PKP2: variants seen among roughly 807,000 people sequenced by gnomAD.
The protein encoded by PKP2 is plakophilin 2.
A neutral mutation model predicts 83.4 loss-of-function variants in PKP2; 73 were observed. The observed-to-expected ratio is 0.88, with a 90% confidence interval of 0.72 to 1.06. The LOEUF (loss-of-function observed/expected upper bound fraction) is 1.06. PKP2 is among the 50% of genes least tolerant of loss of function. The pLI is 0.00. For missense variants in PKP2, 966 were observed against 1,065.4 expected (o/e 0.91, Z 1.30); for synonymous variants, 409 against 430.4 (o/e 0.95, Z 0.62).
Position 32,828,517 on chromosome 12 carries a change from T to C in PKP2, c.1557-4355A>G, listed in dbSNP as rs185656838. ...GGCAACTTATAAATAGCATGATCTG[T>C]AATTTTCACAAAATTCCTGAAATTA... On this transcript the variant is annotated intron_variant, in intron 6 of 12. Coordinates refer to ENST00000340811, the MANE Select transcript of PKP2 (RefSeq NM_001005242.3). Among the ~76,000 whole-genome samples, 5 of 152,350 alleles carry C rather than the reference T, an allele frequency of 3.3e-5. No homozygotes were observed. The East Asian group carries it at 7.7e-4, about 23-fold the overall frequency.
intron 3 of PKP2, among the ~76,000 whole-genome samples, chr12:32,869,988 C>T (rs1956883012): frequency 1.3e-5 from 2 of 152,140 alleles, no homozygotes; most frequent in South Asian, 4.1e-4. Flanking sequence ...TTGGTCACAC[C>T]ACTGCACTCC....
intron 3 of PKP2, among the ~76,000 whole-genome samples, chr12:32,876,178 C>T (rs1338384232): frequency 6.6e-6 from 1 of 152,068 alleles, no homozygotes; most frequent in Non-Finnish European, 1.5e-5. Flanking sequence ...ATAAGCAGTG[C>T]TTATATTACT....
rs1161646299 is a variant in PKP2 at position 32,792,093 on chromosome 12, G to A, written c.*331C>T. On this transcript the variant is annotated 3_prime_UTR_variant, in exon 13 of 13. Coordinates refer to ENST00000340811, the MANE Select transcript of PKP2 (RefSeq NM_001005242.3). ...TGTAAATCAAACTTTTAAAATCCCA[G>A]TAATGCAACAGCTTCTTTCCTTATT... The A allele has an allele frequency of 8.5e-5, 32 of 375,478 alleles. No homozygotes were observed. The East Asian group carries it at 2.0e-3, about 24-fold the overall frequency. The allele number at this position is 375,478 out of a possible 1,614,324, so 23.3% of individuals were successfully genotyped here.
At chr12:32,807,098 A>C (rs1169294747) in intron 9 of PKP2, among the ~76,000 whole-genome samples, 2 of 152,108 alleles carry the variant, frequency 1.3e-5, no homozygotes, top group African/African-American at 4.8e-5. Flanking sequence ...GTTCTTTTGC[A>C]TTTGCTAAGG....
chr12:32,812,412 T>C (rs959233708), intron 9 of PKP2, among the ~76,000 whole-genome samples: 5 of 152,200 alleles, frequency 3.3e-5, no homozygotes, highest in African/African-American at 1.2e-4. Flanking sequence ...CTTTCATTAT[T>C]TCAGTTTATT....
intron 9 of PKP2, among the ~76,000 whole-genome samples, chr12:32,804,013 A>T (rs992241604): frequency 7.9e-5 from 12 of 151,750 alleles, no homozygotes; most frequent in Admixed American, 6.5e-4. Context: ...CCATTAATAC[A>T]GTTAAAAAAA....
chr12:32,851,065 C>A, intron 4 of PKP2, 92 bp from the exon 5 acceptor site: 1 of 1,003,612 alleles, frequency 1.0e-6, no homozygotes, highest in Non-Finnish European at 1.5e-6. Context: ...TTTACTGATG[C>A]TGACTATAAC....
chr12:32,829,439 CAG>C, intron 6 of PKP2, among the ~76,000 whole-genome samples: 1 of 151,016 alleles, frequency 6.6e-6, no homozygotes, highest in East Asian at 2.0e-4. Context: ...TTTGTAGAGA[CAG>C]GGTCTCATGG....
At chr12:32,831,567 G>T (rs1434143386) in intron 6 of PKP2, among the ~76,000 whole-genome samples, 1 of 151,732 alleles carries the variant, frequency 6.6e-6, no homozygotes, top group East Asian at 1.9e-4. Context: ...AGCAAAAAGA[G>T]TCCACTTGAT....
intron 4 of PKP2, among the ~76,000 whole-genome samples, chr12:32,857,860 T>C (rs1163860784): frequency 1.3e-5 from 2 of 150,924 alleles, no homozygotes; most frequent in African/African-American, 2.4e-5. Context: ...TAGCCCAACT[T>C]GGGAAACAGA....
At chr12:32,819,071 A>G (rs1279329297) in intron 9 of PKP2, among the ~76,000 whole-genome samples, 2 of 152,056 alleles carry the variant, frequency 1.3e-5, no homozygotes, top group Non-Finnish European at 2.9e-5. Context: ...TGAGGTGAGG[A>G]GTTTGAGACC....
At chr12:32,860,889 A>C (rs1413752466) in intron 4 of PKP2, among the ~76,000 whole-genome samples, 1 of 152,042 alleles carries the variant, frequency 6.6e-6, no homozygotes, top group Non-Finnish European at 1.5e-5. Context: ...TTAGCCGGGC[A>C]TGGTGGCATG....
At chr12:32,864,091 AC>A (rs1414415816) in intron 4 of PKP2, among the ~76,000 whole-genome samples, 1 of 152,008 alleles carries the variant, frequency 6.6e-6, no homozygotes, top group Non-Finnish European at 1.5e-5. Context: ...ACTAAATCCA[AC>A]ATCCATTCGT....
In PKP2 at chr12:32,821,427, T is replaced by A. The variant is rs745927810; in HGVS notation, c.1942A>T (p.Lys648Ter). 6.2e-7 allele frequency: 1 copy of A among 1,614,154 alleles called. No homozygotes were observed. The highest frequency in any genetic ancestry group is 8.5e-7 in the Non-Finnish European group (1 of 1,180,012). Reference protein sequence around the residue: ...VIRMYLSLIAKSVRNYTQEAS... With the variant: ...VIRMYLSLIA ...TCTTGTGTGTAGTTGCGGACACTTT[T>A]GGCGATCAAGGACAGATACATCCTT... is the stretch of plus-strand genomic sequence containing the variant. The change falls in exon 9 of 13, where the codon AAA becomes TAA. Residue 648 changes from lysine (K) to a stop codon, truncating the protein, a stop_gained. Coordinates refer to ENST00000340811, the MANE Select transcript of PKP2 (RefSeq NM_001005242.3). LOFTEE classifies it high-confidence loss of function.
At chr12:32,805,647 C>T (rs1956219832) in intron 9 of PKP2, among the ~76,000 whole-genome samples, 1 of 152,110 alleles carries the variant, frequency 6.6e-6, no homozygotes, top group African/African-American at 2.4e-5. Flanking sequence ...GTTCTCTATT[C>T]AATTCCATTG....
At chr12:32,833,342 G>A (rs771776786) in intron 6 of PKP2, among the ~76,000 whole-genome samples, 14 of 152,148 alleles carry the variant, frequency 9.2e-5, no homozygotes, top group South Asian at 2.1e-4. Flanking sequence ...ACCAAGATAC[G>A]CATTAAAAAT....
rs1318423908 is a variant in PKP2, at chr12:32,892,824, G to T, written c.223+3685C>A. Among the ~76,000 whole-genome samples the T allele has an allele frequency of 2.6e-5, 3 of 113,486 alleles. 1 individual carries two copies. The highest frequency in any genetic ancestry group is 9.5e-5 in the African/African-American group (3 of 31,516). The allele number at this position is 113,486 out of a possible 152,430, so 74.5% of individuals were successfully genotyped here. A position where few individuals can be genotyped will look rare whatever the true frequency, so the allele number is the denominator to read the frequency against. Reference sequence around the variant, plus strand: ...CAGATACCTGGGGTGGGGGCGGGGGGGGGGGGAGAACTGTGTAGCAAGTAG... The same window carrying T: ...CAGATACCTGGGGTGGGGGCGGGGGTGGGGGGAGAACTGTGTAGCAAGTAG... On this transcript the variant is annotated intron_variant, in intron 1 of 12. Transcript: ENST00000340811.
intron 4 of PKP2, among the ~76,000 whole-genome samples, chr12:32,860,141 G>A (rs1168674035): frequency 8.5e-5 from 13 of 152,300 alleles, no homozygotes. Context: ...ATGGGGCAGT[G>A]AGAGAAAACT....
At chr12:32,845,694 G>T (rs1053972256) in intron 5 of PKP2, among the ~76,000 whole-genome samples, 8 of 152,150 alleles carry the variant, frequency 5.3e-5, no homozygotes, top group Admixed American at 3.9e-4. Context: ...CAGTGAAAAA[G>T]AATGAGGAGG....
Sources: allele counts gnomAD v4.1 joint callset (sites outside exome capture counted in the v4.1 genomes callset), GRCh38; gene constraint gnomAD v4.1.1; transcripts MANE v1.5; gene names NCBI Gene and HGNC (gene_info 2026-07-23, HGNC 2026-07-21).